The following PDE7B variants were observed in gnomAD, a reference collection of about 807,000 sequenced individuals.
PDE7B encodes the protein 3',5'-cyclic-AMP phosphodiesterase 7B.
A neutral mutation model predicts 56.2 loss-of-function variants in PDE7B; 29 were observed. That is an observed-to-expected ratio of 0.52 (90% CI 0.38 to 0.70). PDE7B has a LOEUF of 0.70. Among genes scored for constraint, PDE7B ranks in the 30% least tolerant of loss-of-function variants. PDE7B has a pLI of 0.00. For synonymous variants in PDE7B, 197 were observed against 196.9 expected (o/e 1.00, Z 0.00); for missense variants, 490 against 565.0 (o/e 0.87, Z 1.35).
At chr6:136,096,605 A>G (rs1482299410) in intron 2 of PDE7B, among the ~76,000 whole-genome samples, 1 of 151,506 alleles carries the variant, frequency 6.6e-6, no homozygotes, top group East Asian at 1.9e-4. Flanking sequence ...TTTTCATGAC[A>G]TAAACTATTC....
chr6:135,888,094 A>G (rs1426617574), intron 1 of PDE7B, among the ~76,000 whole-genome samples: 1 of 152,150 alleles, frequency 6.6e-6, no homozygotes, highest in Non-Finnish European at 1.5e-5. Flanking sequence ...CTACCTGTGA[A>G]CTACTGCATT....
intron 2 of PDE7B, among the ~76,000 whole-genome samples, chr6:136,037,185 T>G (rs1355659297): frequency 6.6e-6 from 1 of 152,182 alleles, no homozygotes; most frequent in Non-Finnish European, 1.5e-5. Context: ...GCCATTTATG[T>G]CCCCTGTGAA....
intron 12 of PDE7B, among the ~76,000 whole-genome samples, chr6:136,190,206 AC>A (rs1187643200): frequency 6.6e-6 from 1 of 152,162 alleles, no homozygotes; most frequent in Non-Finnish European, 1.5e-5. Context: ...AGCAAGCAAA[AC>A]GTGAAATCCT....
At chr6:136,101,474 C>T (rs1258982945) in intron 2 of PDE7B, among the ~76,000 whole-genome samples, 1 of 152,162 alleles carries the variant, frequency 6.6e-6, no homozygotes, top group East Asian at 1.9e-4. Context: ...GATTCAACTT[C>T]TTCCTGCTTT....
chr6:135,865,165 T>C (rs1024939275), intron 1 of PDE7B, among the ~76,000 whole-genome samples: 1 of 152,090 alleles, frequency 6.6e-6, no homozygotes, highest in South Asian at 2.1e-4. Context: ...TGTAGGGACA[T>C]AGATGAAGCT....
chr6:136,091,152 C>T (rs1449389474), intron 2 of PDE7B, among the ~76,000 whole-genome samples: 1 of 152,184 alleles, frequency 6.6e-6, no homozygotes, highest in African/African-American at 2.4e-5. Context: ...CAGTGGTTCT[C>T]AACATCTCCC....
chr6:136,038,260 C>T (rs2128209701), intron 2 of PDE7B: 1 of 1,299,606 alleles, frequency 7.7e-7, no homozygotes, highest in Non-Finnish European at 1.0e-6. Context: ...CCACCACCAC[C>T]ACTACCTCCT....
chr6:136,166,954 A>T (rs1004808481), intron 8 of PDE7B, among the ~76,000 whole-genome samples: 1 of 152,160 alleles, frequency 6.6e-6, no homozygotes, highest in Admixed American at 6.5e-5. Flanking sequence ...CTGGTGTCTC[A>T]TGACCTCACT....
At chr6:135,881,859 A>G (rs1775617668) in intron 1 of PDE7B, among the ~76,000 whole-genome samples, 1 of 152,182 alleles carries the variant, frequency 6.6e-6, no homozygotes, top group Non-Finnish European at 1.5e-5. Context: ...GTACAATTAT[A>G]TTTGTTACAC....
chr6:135,944,487 C>G (rs958366343), intron 1 of PDE7B, among the ~76,000 whole-genome samples: 6 of 152,100 alleles, frequency 3.9e-5, no homozygotes, highest in African/African-American at 1.4e-4. Flanking sequence ...CTTTACAAAA[C>G]AGGGCAATTA....
intron 1 of PDE7B, among the ~76,000 whole-genome samples, chr6:135,885,321 GT>G (rs1295976527): frequency 6.2e-5 from 7 of 112,006 alleles, no homozygotes; most frequent in African/African-American, 3.4e-4. Context: ...GTTGTTGCTT[GT>G]TTGTTGTTTT....
rs535433758 is a variant in PDE7B at position 136,041,529 on chromosome 6, A to G, written c.83-67202A>G. 1.7e-3 allele frequency among the ~76,000 whole-genome samples: 265 copies of G among 152,332 alleles called. 2 individuals carry two copies. The highest frequency in any genetic ancestry group is 6.0e-3 in the African/African-American group (248 of 41,562). On this transcript the variant is annotated intron_variant, in intron 2 of 12. Transcript: ENST00000308191. ...GACTGTTGGGTGGCTGTCCAAAGCA[A>G]TAGACTGTAGGAGGGAATGGGAGAT...
rs140926010 is a variant in PDE7B, at chr6:136,154,133, C to T, written c.537C>T (p.Ala179=). The stretch of plus-strand genomic sequence containing the variant: ...CGTATCACAATGCTGTTCACGCAGC[C>T]GACGTCACCCAGGCCATGCACTGCT... ...QNPYHNAVHA[A]DVTQAMHCYL... Residue 179 remains alanine, a synonymous_variant, in exon 7 of 13, where the codon GCC becomes GCT. Transcript: ENST00000308191. 107 of 1,613,832 alleles carry T rather than the reference C, an allele frequency of 6.6e-5. 1 individual carries two copies. The highest frequency in any genetic ancestry group is 3.3e-4 in the Middle Eastern group (2 of 6,062).
At chr6:135,939,300 T>C (rs1048294954) in intron 1 of PDE7B, among the ~76,000 whole-genome samples, 6 of 152,208 alleles carry the variant, frequency 3.9e-5, no homozygotes, top group African/African-American at 1.4e-4. Flanking sequence ...TTTCTTTTTT[T>C]TCTTTTGCTG....
intron 2 of PDE7B, among the ~76,000 whole-genome samples, chr6:136,101,123 C>T (rs773065435): frequency 2.6e-5 from 4 of 152,086 alleles, no homozygotes; most frequent in Non-Finnish European, 5.9e-5. Context: ...TCGACTTGAT[C>T]GTGGTGGATA....
At chr6:136,073,268 G>A (rs1386913374) in intron 2 of PDE7B, among the ~76,000 whole-genome samples, 2 of 152,006 alleles carry the variant, frequency 1.3e-5, no homozygotes, top group Admixed American at 1.3e-4. Context: ...CAGGTCCTGG[G>A]GTAACAGATC....
At chr6:135,982,232 C>G (rs192430768) in intron 2 of PDE7B, among the ~76,000 whole-genome samples, 2 of 152,178 alleles carry the variant, frequency 1.3e-5, no homozygotes, top group Admixed American at 1.3e-4. Flanking sequence ...TTATAAGGAC[C>G]TACCGCTTTG....
In PDE7B at chr6:135,851,777, G is replaced by A; in HGVS notation, c.-222G>A. On this transcript the variant is annotated 5_prime_UTR_variant, in exon 1 of 13. Coordinates refer to ENST00000308191, the MANE Select transcript of PDE7B (RefSeq NM_018945.4). ...GAGAAAAGTGGTGTTACTCACCCAG[G>A]GAGAGTCTCTCTTTCTACCTTCCTT... The A allele has an allele frequency of 1.9e-6, 1 of 539,440 alleles. No homozygotes were observed. Among genetic ancestry groups the A allele is most frequent in the African/African-American group, 1.9e-5 (1 of 52,552 alleles). The allele number at this position is 539,440 out of a possible 1,614,324, so 33.4% of individuals were successfully genotyped here.
At chr6:135,931,276 C>T (rs911135020) in intron 1 of PDE7B, among the ~76,000 whole-genome samples, 6 of 152,176 alleles carry the variant, frequency 3.9e-5, no homozygotes, top group African/African-American at 1.4e-4. Flanking sequence ...TCCTCAATTT[C>T]ACCTAAGTGA....
Sources: gnomAD v4.1 joint callset for allele counts (sites outside exome capture counted in the v4.1 genomes callset) on GRCh38, gnomAD v4.1.1 for gene constraint, MANE v1.5 for transcripts, NCBI Gene and HGNC (gene_info 2026-07-23, HGNC 2026-07-21) for gene names.